The following CFAP74 variants were observed in gnomAD, a reference collection of about 807,000 sequenced individuals.
The protein encoded by CFAP74 is cilia and flagella associated protein 74.
A neutral mutation model predicts 188.9 loss-of-function variants in CFAP74; 124 were observed. That is an observed-to-expected ratio of 0.66 (90% CI 0.57 to 0.76). The LOEUF (loss-of-function observed/expected upper bound fraction) is 0.76. Ranked by LOEUF, CFAP74 falls within the 30% of genes least tolerant of loss-of-function variation. The pLI, the probability that CFAP74 is intolerant of heterozygous loss-of-function variation, is 0.00. For synonymous variants in CFAP74, 956 were observed against 916.7 expected (o/e 1.04, Z -0.77); for missense variants, 2,198 against 2,165.2 (o/e 1.02, Z -0.30).
chr1:1,992,087 T>A (rs1229538212), intron 1 of CFAP74, among the ~76,000 whole-genome samples: 1 of 151,744 alleles, frequency 6.6e-6, no homozygotes, highest in Non-Finnish European at 1.5e-5. Context: ...CAGTGAGCAC[T>A]GGCAAGGCTA....
At chr1:1,992,431 G>C (rs1481222126) in intron 1 of CFAP74, among the ~76,000 whole-genome samples, 1 of 151,736 alleles carries the variant, frequency 6.6e-6, no homozygotes, top group African/African-American at 2.4e-5. Context: ...ACCTCCCAAA[G>C]TGCTGGGATT....
chr1:1,946,059 G>T (rs1274281298), intron 20 of CFAP74, among the ~76,000 whole-genome samples: 1 of 152,172 alleles, frequency 6.6e-6, no homozygotes, highest in East Asian at 1.9e-4. Flanking sequence ...GTGTGCATGT[G>T]TGCATGTGTA....
chr1:1,992,326 G>A (rs777082557), intron 1 of CFAP74, among the ~76,000 whole-genome samples: 31 of 152,002 alleles, frequency 2.0e-4, no homozygotes, highest in Non-Finnish European at 3.8e-4. Flanking sequence ...GCCATGCCCA[G>A]GTAATTTTCA....
chr1:1,929,796 G>T (rs1461962852), intron 26 of CFAP74, among the ~76,000 whole-genome samples: 1 of 152,006 alleles, frequency 6.6e-6, no homozygotes, highest in Non-Finnish European at 1.5e-5. Context: ...CAGGCCAGCA[G>T]CCTGGGGAGC....
At chr1:1,985,250 A>T (rs1657157669) in intron 6 of CFAP74, 136 bp downstream of exon 6, 2 of 683,176 alleles carry the variant, frequency 2.9e-6, no homozygotes, top group Non-Finnish European at 5.2e-6. Flanking sequence ...GCATTCACCG[A>T]GTCCCCTTTC....
chr1:1,996,196 G>C (rs941759155), intron 1 of CFAP74, among the ~76,000 whole-genome samples: 4 of 152,056 alleles, frequency 2.6e-5, no homozygotes, highest in Admixed American at 6.6e-5. Flanking sequence ...TGTTGGCCAG[G>C]CTGGTTTCAA....
intron 1 of CFAP74, among the ~76,000 whole-genome samples, chr1:2,002,585 G>A (rs980759231): frequency 1.3e-5 from 2 of 150,834 alleles, no homozygotes; most frequent in African/African-American, 4.9e-5. Flanking sequence ...CAGGAGAATC[G>A]CTTGAACCCA....
intron 1 of CFAP74, among the ~76,000 whole-genome samples, chr1:1,995,891 G>A (rs1657891875): frequency 6.6e-6 from 1 of 152,110 alleles, no homozygotes; most frequent in Non-Finnish European, 1.5e-5. Flanking sequence ...CTGGGCGACA[G>A]AGCGAGACTC....
In CFAP74 at chr1:1,942,818, C is replaced by T. The variant is rs544201819; in HGVS notation, c.2487-662G>A. 1.3e-5 allele frequency among the ~76,000 whole-genome samples: 2 copies of T among 152,280 alleles called. No individual in the cohort carries two copies. The highest frequency in any genetic ancestry group is 1.9e-4 in the East Asian group (1 of 5,178). ...CTGCTAAACAGTGTTGTGGCCGCCC[C>T]GCCACAGCTGCCCCGGGCAATCCAC... On this transcript the variant is annotated intron_variant, in intron 21 of 38. Transcript: ENST00000682832. The surrounding 1 kb of genome is among the most constrained non-coding windows in gnomAD (Gnocchi z 4.3).
intron 25 of CFAP74, among the ~76,000 whole-genome samples, chr1:1,935,549 T>C (rs1306602246): frequency 9.8e-6 from 1 of 101,920 alleles, no homozygotes; most frequent in Non-Finnish European, 2.2e-5. Flanking sequence ...TGTTAGGTTG[T>C]AGGTATACAC....
In CFAP74 at chr1:1,928,703, C is replaced by A. The variant is rs1652115942; in HGVS notation, c.3387+81G>T. 3.7e-6 allele frequency: 4 copies of A among 1,074,456 alleles called. No homozygotes were observed. The Admixed American group carries it at 6.3e-5, about 17-fold the overall frequency. 66.6% of individuals were successfully genotyped at this position (1,074,456 alleles called of 1,614,324 possible). A position where few individuals can be genotyped will look rare whatever the true frequency, so the allele number is the denominator to read the frequency against. On this transcript the variant is annotated intron_variant, in intron 27 of 38. Transcript: ENST00000682832. ...GCTCCCGGCACGTGGCCGGAGCCCCCCAGGACTCGAAGGCGGTGGAGTTTG... is the reference window on the plus strand; with the variant it reads ...GCTCCCGGCACGTGGCCGGAGCCCCACAGGACTCGAAGGCGGTGGAGTTTG...
chr1:1,970,525 C>T (rs1655875531), intron 10 of CFAP74, 134 bp downstream of exon 10: 10 of 996,190 alleles, frequency 1.0e-5, no homozygotes, highest in Non-Finnish European at 1.4e-5. Context: ...TGTTCCCGTG[C>T]CCCACAGCCG....
intron 15 of CFAP74, among the ~76,000 whole-genome samples, 193 bp from the exon 16 acceptor site, chr1:1,959,402 G>A (rs1180879688): frequency 6.8e-6 from 1 of 147,208 alleles, no homozygotes; most frequent in East Asian, 2.0e-4. Context: ...TCCACTAGCT[G>A]GGATTACAGG....
Position 1,923,654 on chromosome 1 carries a change from G to A in CFAP74, c.4389+121C>T, listed in dbSNP as rs1451025496. ...CTTTCCACTGACGGCCCTCAGTGTG[G>A]TGCTGAGTCCCCCAGCCATGGTACC... On this transcript the variant is annotated intron_variant, in intron 35 of 38. Coordinates refer to ENST00000682832, the MANE Select transcript of CFAP74 (RefSeq NM_001304360.2). This position sits in a 1 kb window ranked among gnomAD's most constrained non-coding sequence, Gnocchi z 6.3. 1 of 1,540,402 alleles carries A rather than the reference G, an allele frequency of 6.5e-7. No homozygotes were observed. Among genetic ancestry groups the A allele is most frequent in the African/African-American group, 1.4e-5 (1 of 73,118 alleles).
In CFAP74 at chr1:1,939,455, T is replaced by C. The variant is rs77299887; in HGVS notation, c.2877+139A>G. The C allele has an allele frequency of 6.3e-4, 509 of 814,380 alleles. 3 individuals carry two copies. In the African/African-American group the frequency reaches 7.3e-3, roughly 12 times the overall value. 50.4% of individuals were successfully genotyped at this position (814,380 alleles called of 1,614,324 possible). A position where few individuals can be genotyped will look rare whatever the true frequency, so the allele number is the denominator to read the frequency against. On this transcript the variant is annotated intron_variant, in intron 24 of 38. Coordinates refer to ENST00000682832, the MANE Select transcript of CFAP74 (RefSeq NM_001304360.2). ...GGTGTGCAGGGTGGGGAGGCCCAGG[T>C]GTGGAGGGGTGCAGCTGAGAGGCGG... is the stretch of plus-strand genomic sequence containing the variant.
chr1:1,995,500 GAA>G (rs34447221), intron 1 of CFAP74, among the ~76,000 whole-genome samples: 2 of 140,944 alleles, frequency 1.4e-5, no homozygotes, highest in Non-Finnish European at 3.2e-5. Context: ...TCAAAAAAAA[GAA>G]AAAAAAAAAC....
intron 10 of CFAP74, among the ~76,000 whole-genome samples, chr1:1,969,717 T>G (rs1017917670): frequency 6.6e-6 from 1 of 151,756 alleles, no homozygotes; most frequent in African/African-American, 2.4e-5. Context: ...CCCGCCCAGG[T>G]GGGCAGGCTG....
chr1:1,948,731 G>A (rs1355535985), intron 18 of CFAP74, among the ~76,000 whole-genome samples: 2 of 151,718 alleles, frequency 1.3e-5, no homozygotes, highest in African/African-American at 2.4e-5. Context: ...TGGGACTACA[G>A]ATGCATGTCA....
At position 1,973,079 on chromosome 1, in the gene CFAP74, T is replaced by G. The variant is rs894703409; in HGVS notation, c.675-32A>C. 14 of 1,520,122 alleles carry G rather than the reference T, an allele frequency of 9.2e-6. No homozygotes were observed. The highest frequency in any genetic ancestry group is 1.0e-5 in the Non-Finnish European group (11 of 1,099,854). The allele number at this position is 1,520,122 out of a possible 1,614,324, so 94.2% of individuals were successfully genotyped here. On this transcript the variant is annotated intron_variant, in intron 7 of 38. Transcript: ENST00000682832. This position sits in a 1 kb window ranked among gnomAD's most constrained non-coding sequence, Gnocchi z 6.2. Reference sequence around the variant, plus strand: ...GGATATGGGGCCGTCAGAGGGAAACTCGGCATCACACGTCCCATCTGCCCC... The same window carrying G: ...GGATATGGGGCCGTCAGAGGGAAACGCGGCATCACACGTCCCATCTGCCCC...
Sources: gnomAD v4.1 joint callset for allele counts (sites outside exome capture counted in the v4.1 genomes callset) on GRCh38, gnomAD v4.1.1 for gene constraint, Gnocchi (gnomAD v3.1) non-coding constraint, MANE v1.5 for transcripts, NCBI Gene and HGNC (gene_info 2026-07-23, HGNC 2026-07-21) for gene names.